EMILIN1: variants seen among roughly 807,000 people sequenced by gnomAD.
The protein encoded by EMILIN1 is elastin microfibril interfacer 1.
A neutral mutation model predicts 82.4 loss-of-function variants in EMILIN1; 49 were observed. That is an observed-to-expected ratio of 0.59 (90% CI 0.47 to 0.75). EMILIN1 has a LOEUF of 0.75. EMILIN1 is among the 30% of genes least tolerant of loss of function. The pLI, the probability that EMILIN1 is intolerant of heterozygous loss-of-function variation, is 0.00. For synonymous variants in EMILIN1, 604 were observed against 602.2 expected (o/e 1.00, Z -0.04); for missense variants, 1,313 against 1,366.4 (o/e 0.96, Z 0.62).
rs1464097650 is a variant in EMILIN1 at position 27,078,671 on chromosome 2, T to C, written c.-395T>C. 5.7e-6 allele frequency: 1 copy of C among 175,758 alleles called. No individual in the cohort carries two copies. The highest frequency in any genetic ancestry group is 1.2e-5 in the Non-Finnish European group (1 of 84,428). The allele number at this position is 175,758 out of a possible 1,614,324, so 10.9% of individuals were successfully genotyped here. A position where few individuals can be genotyped will look rare whatever the true frequency, so the allele number is the denominator to read the frequency against. ...AAGCCCTGTCACCCCCAGGATCCGG[T>C]CATCAGGGAAAGAGGACAGGGAGAC... On this transcript the variant is annotated 5_prime_UTR_variant, in exon 1 of 8. Transcript: ENST00000380320.
chr2:27,082,646 G>A lies in EMILIN1; in HGVS notation c.1075G>A (p.Gly359Ser). The A allele has an allele frequency of 6.5e-7, 1 of 1,548,032 alleles. No individual in the cohort carries two copies. The highest frequency in any genetic ancestry group is 1.9e-5 in the Admixed American group (1 of 52,138). The stretch of plus-strand genomic sequence containing the variant: ...TCAGGAATGCTGCTCTCCAGAGCTG[G>A]GCCGGCGACTGGCAGAGCTGGAGCG... Reference protein sequence around the residue: ...PPQECCSPELGRRLAELERRL... With the variant: ...PPQECCSPELSRRLAELERRL... The change falls in exon 4 of 8, where the codon GGC (glycine) becomes AGC (serine). Residue 359 changes from glycine to serine, a missense_variant. By Grantham distance (56) the Gly-to-Ser change is moderately conservative. Coordinates refer to ENST00000380320, the MANE Select transcript of EMILIN1 (RefSeq NM_007046.4).
Position 27,079,062 on chromosome 2 carries a change from CG to C in EMILIN1, c.-3del. 6.4e-7 allele frequency: 1 copy of C among 1,550,508 alleles called. No individual in the cohort carries two copies. The highest frequency in any genetic ancestry group is 1.4e-5 in the African/African-American group (1 of 70,160). ...CTCTGAGGGCCACTGTGGAGCGCCCCGCCATGGCCCCCCGCACCCTCTGGAG... is the reference window on the plus strand; with the variant it reads ...CTCTGAGGGCCACTGTGGAGCGCCCCCCATGGCCCCCCGCACCCTCTGGAG... On this transcript the variant is annotated 5_prime_UTR_variant, in exon 1 of 8. Coordinates refer to ENST00000380320, the MANE Select transcript of EMILIN1 (RefSeq NM_007046.4).
Position 27,083,989 on chromosome 2 carries a change from G to A in EMILIN1, c.2418G>A (p.Gln806=), listed in dbSNP as rs747289878. The change falls in exon 4 of 8, where the codon CAG becomes CAA. Residue 806 remains glutamine, a synonymous_variant. Transcript: ENST00000380320. The part of the protein sequence containing the change: ...SLQLLEDRLH[Q]LSLKDLTGPA... ...AGCTCCTGGAGGACCGTCTGCACCA[G>A]CTCAGCCTGAAGGACCTCACTGGTG... The A allele has an allele frequency of 6.6e-7, 1 of 1,521,492 alleles. No homozygotes were observed. Among genetic ancestry groups the A allele is most frequent in the East Asian group, 2.3e-5 (1 of 42,586 alleles). The allele number at this position is 1,521,492 out of a possible 1,614,324, so 94.2% of individuals were successfully genotyped here.
At chr2:27,085,035 G>A (rs376414580) in intron 6 of EMILIN1, 27 bp downstream of exon 6, 1 of 1,613,692 alleles carries the variant, frequency 6.2e-7, no homozygotes, top group Non-Finnish European at 8.5e-7. Flanking sequence ...TGATTCTGGA[G>A]GGAGAAGTGA....
rs1294211508 is a variant in EMILIN1 at position 27,083,595 on chromosome 2, T to C, written c.2024T>C (p.Leu675Pro). The C allele has an allele frequency of 1.2e-6, 2 of 1,613,662 alleles. No individual in the cohort carries two copies. Among genetic ancestry groups the C allele is most frequent in the African/African-American group, 2.7e-5 (2 of 75,056 alleles). Reference protein sequence around the residue: ...QTTVEGQGADLADLGATKDRI... With the variant: ...QTTVEGQGADPADLGATKDRI... Reference sequence around the variant, plus strand: ...ACTGTGGAGGGCCAGGGCGCTGATCTGGCTGACCTGGGGGCAACCAAGGAC... The same window carrying C: ...ACTGTGGAGGGCCAGGGCGCTGATCCGGCTGACCTGGGGGCAACCAAGGAC... Residue 675 changes from leucine to proline, a missense_variant, in exon 4 of 8, where the codon CTG (leucine) becomes CCG (proline). By Grantham distance (98) the Leu-to-Pro change is moderately conservative. Transcript: ENST00000380320.
Position 27,083,156 on chromosome 2 carries a change from C to A in EMILIN1, c.1585C>A (p.Gln529Lys). 6.2e-7 allele frequency: 1 copy of A among 1,601,920 alleles called. No homozygotes were observed. The highest frequency in any genetic ancestry group is 8.5e-7 in the Non-Finnish European group (1 of 1,173,210). ...GGTGGAAGCAGCGGGGGAGGCCCGG[C>A]AGGCCACGCTGGAGGGATTACAAGA... ...HTVEAAGEAR[Q>K]ATLEGLQEVV... Residue 529 changes from glutamine (Q) to lysine (K), a missense_variant, in exon 4 of 8, where the codon CAG (glutamine) becomes AAG (lysine). Coordinates refer to ENST00000380320, the MANE Select transcript of EMILIN1 (RefSeq NM_007046.4).
chr2:27,082,863 C>A lies in EMILIN1; in HGVS notation c.1292C>A (p.Ala431Asp). 1.3e-6 allele frequency: 2 copies of A among 1,587,928 alleles called. No homozygotes were observed. Among genetic ancestry groups the A allele is most frequent in the Non-Finnish European group, 1.7e-6 (2 of 1,175,104 alleles). Residue 431 changes from alanine (A) to aspartate (D), a missense_variant, in exon 4 of 8, where the codon GCT becomes GAT. Ala to Asp is a moderately radical substitution (Grantham distance 126). Transcript: ENST00000380320. ...SEEQEESWPG[A>D]PGGLSHWLPA... Reference sequence around the variant, plus strand: ...GAGCAGGAGGAGAGCTGGCCTGGGGCTCCTGGGGGGCTGAGCCACTGGCTG... The same window carrying A: ...GAGCAGGAGGAGAGCTGGCCTGGGGATCCTGGGGGGCTGAGCCACTGGCTG...
chr2:27,086,238 G>A lies in EMILIN1; in HGVS notation c.*223G>A. On this transcript the variant is annotated 3_prime_UTR_variant, in exon 8 of 8. Transcript: ENST00000380320. ...CTTTTGGCCTGGCGCGATCCCCCAAGAACCCCTCCAGGGCCGGCCTGCGGA... is the reference window on the plus strand; with the variant it reads ...CTTTTGGCCTGGCGCGATCCCCCAAAAACCCCTCCAGGGCCGGCCTGCGGA... 2.7e-6 allele frequency: 1 copy of A among 376,146 alleles called. No homozygotes were observed. Among genetic ancestry groups the A allele is most frequent in the Non-Finnish European group, 4.7e-6 (1 of 212,538 alleles). 23.3% of individuals were successfully genotyped at this position (376,146 alleles called of 1,614,324 possible).
rs149548627 is a variant in EMILIN1, at chr2:27,079,707, A to G, written c.171-444A>G. 5.4e-3 allele frequency among the ~76,000 whole-genome samples: 820 copies of G among 152,298 alleles called. 7 individuals carry two copies. The highest frequency in any genetic ancestry group is 0.02 in the Middle Eastern group (6 of 294). ...ATCCCCAAGAGGGGCAGGCTCATCAATGGCTTATTCTCTACTTAACCCCAA... is the reference window on the plus strand; with the variant it reads ...ATCCCCAAGAGGGGCAGGCTCATCAGTGGCTTATTCTCTACTTAACCCCAA... On this transcript the variant is annotated intron_variant, in intron 1 of 7. Transcript: ENST00000380320.
intron 2 of EMILIN1, among the ~76,000 whole-genome samples, chr2:27,080,490 C>T (rs1669454597): frequency 6.6e-6 from 1 of 152,134 alleles, no homozygotes; most frequent in Non-Finnish European, 1.5e-5. Context: ...TCTGGGATGG[C>T]TCAGGCTCAA....
intron 2 of EMILIN1, 82 bp downstream of exon 2, chr2:27,080,352 A>G: frequency 6.4e-7 from 1 of 1,567,186 alleles, no homozygotes; most frequent in Non-Finnish European, 8.7e-7. Flanking sequence ...GGGAGTCTGT[A>G]TGAAGCAGGG....
In EMILIN1 at chr2:27,086,322, C is replaced by T. The variant is rs533197118; in HGVS notation, c.*307C>T. 245 of 320,706 alleles carry T rather than the reference C, an allele frequency of 7.6e-4. 1 individual carries two copies. The highest frequency in any genetic ancestry group is 4.8e-3 in the African/African-American group (223 of 46,608). The allele number at this position is 320,706 out of a possible 1,614,324, so 19.9% of individuals were successfully genotyped here. A position where few individuals can be genotyped will look rare whatever the true frequency, so the allele number is the denominator to read the frequency against. On this transcript the variant is annotated 3_prime_UTR_variant, in exon 8 of 8. Transcript: ENST00000380320. Reference sequence around the variant, plus strand: ...TGGCCCTCCAGGTCGATTCCCTGGGCTCCAGGCTCCCCCGCGCGGGCGCCG... The same window carrying T: ...TGGCCCTCCAGGTCGATTCCCTGGGTTCCAGGCTCCCCCGCGCGGGCGCCG...
chr2:27,081,989 G>A, intron 3 of EMILIN1, 94 bp from the exon 4 acceptor site: 2 of 1,427,474 alleles, frequency 1.4e-6, no homozygotes, highest in South Asian at 3.0e-5. Flanking sequence ...GGCAGAGCCA[G>A]CCTGGGCATC....
rs1028468861 is a variant in EMILIN1 at position 27,080,502 on chromosome 2, C to A, written c.291-230C>A. Among the ~76,000 whole-genome samples, 3 of 152,304 alleles carry A rather than the reference C, an allele frequency of 2.0e-5. No homozygotes were observed. The South Asian group carries it at 6.2e-4, about 32-fold the overall frequency. On this transcript the variant is annotated intron_variant, in intron 2 of 7. Transcript: ENST00000380320. Reference sequence around the variant, plus strand: ...TTCTCTGGGATGGCTCAGGCTCAAGCAGAGGAGTTCAAGGTTCCAGCACAG... The same window carrying A: ...TTCTCTGGGATGGCTCAGGCTCAAGAAGAGGAGTTCAAGGTTCCAGCACAG...
At position 27,082,821 on chromosome 2, in the gene EMILIN1, C is replaced by G; in HGVS notation, c.1250C>G (p.Thr417Ser). 5 of 1,563,558 alleles carry G rather than the reference C, an allele frequency of 3.2e-6. No homozygotes were observed. The highest frequency in any genetic ancestry group is 4.3e-6 in the Non-Finnish European group (5 of 1,162,852). The change falls in exon 4 of 8, where the codon ACC becomes AGC. Residue 417 changes from threonine (T) to serine (S), a missense_variant. Transcript: ENST00000380320. ...LSRLEDRFNSTLGPSEEQEES... is the reference protein window; with the variant it reads ...LSRLEDRFNSSLGPSEEQEES... ...CGCCTGGAGGACCGCTTCAACTCCA[C>G]CCTGGGCCCTTCGGAGGAGCAGGAG... is the stretch of plus-strand genomic sequence containing the variant.
chr2:27,083,455 CT>C lies in EMILIN1; in HGVS notation c.1886del (p.Phe629SerfsTer33), dbSNP rs1355933992. 6.2e-7 allele frequency: 1 copy of C among 1,613,006 alleles called. No homozygotes were observed. The highest frequency in any genetic ancestry group is 8.5e-7 in the Non-Finnish European group (1 of 1,179,798). On this transcript the variant is annotated frameshift_variant, in exon 4 of 8. Coordinates refer to ENST00000380320, the MANE Select transcript of EMILIN1 (RefSeq NM_007046.4). LOFTEE classifies it high-confidence loss of function. The stretch of plus-strand genomic sequence containing the variant: ...GCCCAAGCCGTGGGCCCCTGGACGG[CT>C]TCAGCGTGTTTGGGGGCAGCTCAGG... ...GGPSRGPLDG[F>X]SVFGGSSGSA...
Position 27,084,015 on chromosome 2 carries a change from A to G in EMILIN1, c.2440+4A>G. The G allele has an allele frequency of 6.8e-7, 1 of 1,477,994 alleles. No homozygotes were observed. The highest frequency in any genetic ancestry group is 9.0e-7 in the Non-Finnish European group (1 of 1,111,542). The allele number at this position is 1,477,994 out of a possible 1,614,324, so 91.6% of individuals were successfully genotyped here. ...CTCAGCCTGAAGGACCTCACTGGTG[A>G]GGGGACAAAAGGCATGAGGGGACCC... On this transcript the variant is annotated splice_donor_region_variant and intron_variant, in intron 4 of 7. Coordinates refer to ENST00000380320, the MANE Select transcript of EMILIN1 (RefSeq NM_007046.4).
Position 27,083,362 on chromosome 2 carries a change from T to G in EMILIN1, c.1791T>G (p.Asp597Glu). 6.2e-7 allele frequency: 1 copy of G among 1,612,744 alleles called. No homozygotes were observed. The highest frequency in any genetic ancestry group is 8.5e-7 in the Non-Finnish European group (1 of 1,179,914). The change falls in exon 4 of 8, where the codon GAT (aspartate) becomes GAG (glutamate). Residue 597 changes from aspartate (D) to glutamate (E), a missense_variant. By Grantham distance (45) the Asp-to-Glu change is conservative. Coordinates refer to ENST00000380320, the MANE Select transcript of EMILIN1 (RefSeq NM_007046.4). ...AAGAGGAACTAGGCCGCCTTCGGGA[T>G]GGTGTGGAGCGCTGCTCCTGCCCCC... ...GVQEELGRLR[D>E]GVERCSCPLL...
At position 27,079,216 on chromosome 2, in the gene EMILIN1, C is replaced by T. The variant is rs753284656; in HGVS notation, c.151C>T (p.Arg51Trp). The T allele has an allele frequency of 9.5e-6, 15 of 1,572,486 alleles. No homozygotes were observed. Among genetic ancestry groups the T allele is most frequent in the African/African-American group, 1.4e-5 (1 of 71,100 alleles). The change falls in exon 1 of 8, where the codon CGG becomes TGG. Residue 51 changes from arginine (R) to tryptophan (W), a missense_variant. Arg to Trp is a moderately radical substitution (Grantham distance 101). Coordinates refer to ENST00000380320, the MANE Select transcript of EMILIN1 (RefSeq NM_007046.4). ...PGGPQAQIAP[R>W]PASRHRNWCA... ...GGGGCCCCAGGCCCAGATTGCCCCC[C>T]GGCCAGCCAGCCGCCACAGGTAAGA...
Sources: allele counts gnomAD v4.1 joint callset (sites outside exome capture counted in the v4.1 genomes callset), GRCh38; gene constraint gnomAD v4.1.1; transcripts MANE v1.5; gene names NCBI Gene and HGNC (gene_info 2026-07-23, HGNC 2026-07-21).